Variants in TLL2 observed in about 807,000 individuals in gnomAD.
The protein encoded by TLL2 is tolloid like 2.
TLL2 carries 106 observed loss-of-function variants against 123.0 expected under a neutral mutation model. That is an observed-to-expected ratio of 0.86 (90% confidence interval 0.74 to 1.01). The LOEUF is 1.01. Ranked by LOEUF, TLL2 falls within the 50% of genes least tolerant of loss-of-function variation. TLL2 has a pLI of 0.00. For missense variants in TLL2, 1,332 were observed against 1,336.7 expected, an observed-to-expected ratio of 1.00 and a Z score of 0.06; for synonymous variants, 494 against 516.8, an observed-to-expected ratio of 0.96 and a Z score of 0.60.
Position 96,414,162 on chromosome 10 carries a change from A to G in TLL2, c.924-846T>C, listed in dbSNP as rs377022700. Among the ~76,000 whole-genome samples, 3 of 152,278 alleles carry G rather than the reference A, an allele frequency of 2.0e-5. No homozygotes were observed. The East Asian group carries it at 5.8e-4, about 29-fold the overall frequency. On this transcript the variant is annotated intron_variant, in intron 7 of 20. Coordinates refer to ENST00000357947, the MANE Select transcript of TLL2 (RefSeq NM_012465.4). ...CCCGCCTGCTGCCTTGTCTGCTGCC[A>G]GCTCTGAGCCTCCTCTTCTGCTTCC...
intron 1 of TLL2, among the ~76,000 whole-genome samples, chr10:96,492,516 C>T (rs1812319): frequency 0.39 from 59,891 of 151,684 alleles, 12,209 homozygotes; most frequent in East Asian, 0.73. Context: ...CCCAGCTATT[C>T]GGGAGGCTGA....
chr10:96,470,261 G>A (rs1331804239), intron 2 of TLL2, among the ~76,000 whole-genome samples: 1 of 152,210 alleles, frequency 6.6e-6, no homozygotes, highest in East Asian at 1.9e-4. Context: ...CCAGCCGGGG[G>A]TCAGAGGCAT....
chr10:96,468,295 T>C (rs1019551787), intron 2 of TLL2, among the ~76,000 whole-genome samples: 1 of 152,078 alleles, frequency 6.6e-6, no homozygotes, highest in South Asian at 2.1e-4. Context: ...GTGCCTTACA[T>C]AGGTAGCTGC....
chr10:96,405,422 AC>A, intron 9 of TLL2, 88 bp from the exon 10 acceptor site: 1 of 1,220,678 alleles, frequency 8.2e-7, no homozygotes, highest in Non-Finnish European at 1.2e-6. Flanking sequence ...TTCTCACGTT[AC>A]CCTTTAGCAT....
At chr10:96,423,593 C>T (rs1445712793) in intron 5 of TLL2, among the ~76,000 whole-genome samples, 7 of 151,862 alleles carry the variant, frequency 4.6e-5, no homozygotes, top group Non-Finnish European at 8.8e-5. Flanking sequence ...AACAAGGCCT[C>T]GGGGGAGAGG....
chr10:96,487,866 A>G (rs1800862607), intron 1 of TLL2, among the ~76,000 whole-genome samples: 1 of 152,122 alleles, frequency 6.6e-6, no homozygotes, highest in Non-Finnish European at 1.5e-5. Flanking sequence ...CGCCATGACA[A>G]CAGGCTCCCA....
chr10:96,383,586 G>C (rs942548896), intron 16 of TLL2, among the ~76,000 whole-genome samples: 1 of 152,002 alleles, frequency 6.6e-6, no homozygotes, highest in Admixed American at 6.6e-5. Context: ...ATGTGAAACT[G>C]TAAGTCCATT....
chr10:96,415,203 C>T (rs1846542056), intron 7 of TLL2, among the ~76,000 whole-genome samples: 1 of 152,182 alleles, frequency 6.6e-6, no homozygotes, highest in Non-Finnish European at 1.5e-5. Flanking sequence ...GAATACTTAA[C>T]AAGAATAAAG....
intron 2 of TLL2, among the ~76,000 whole-genome samples, chr10:96,456,650 C>T (rs1269119191): frequency 6.6e-6 from 1 of 152,208 alleles, no homozygotes; most frequent in East Asian, 1.9e-4. Context: ...AAGGAGGGCC[C>T]CTTCAATTCG....
intron 8 of TLL2, 90 bp from the exon 9 acceptor site, chr10:96,410,564 C>T (rs1351253514): frequency 9.4e-6 from 9 of 956,704 alleles, no homozygotes; most frequent in Non-Finnish European, 1.5e-5. Context: ...CAAACATACC[C>T]CTTTGCCAGC....
Sources: allele counts gnomAD v4.1 joint callset (sites outside exome capture counted in the v4.1 genomes callset), GRCh38; gene constraint gnomAD v4.1.1; transcripts MANE v1.5; gene names NCBI Gene and HGNC (gene_info 2026-07-23, HGNC 2026-07-21).